KLHL32: variants seen among roughly 807,000 people sequenced by gnomAD.
KLHL32 encodes kelch-like protein 32.
Under a neutral mutation model 64.8 loss-of-function variants are expected in KLHL32, and 35 were observed. The ratio of observed to expected loss-of-function variants is 0.54; its 90% CI spans 0.41 to 0.72. The LOEUF (loss-of-function observed/expected upper bound fraction) is 0.72. KLHL32 is among the 30% of genes least tolerant of loss of function. KLHL32 has a pLI of 0.00. For synonymous variants in KLHL32, 259 were observed against 281.0 expected, an observed-to-expected ratio of 0.92 and a Z score of 0.78; for missense variants, 589 against 768.5, an observed-to-expected ratio of 0.77 and a Z score of 2.76.
intron 1 of KLHL32, among the ~76,000 whole-genome samples, chr6:96,938,308 A>G (rs906914223): frequency 1.3e-5 from 2 of 152,188 alleles, no homozygotes; most frequent in African/African-American, 4.8e-5. Flanking sequence ...GCTCACCAGC[A>G]TCAGGATCAG....
intron 1 of KLHL32, among the ~76,000 whole-genome samples, chr6:96,928,254 T>C (rs1015996711): frequency 6.6e-6 from 1 of 152,180 alleles, no homozygotes; most frequent in East Asian, 1.9e-4. Context: ...GGTATGATTA[T>C]ATTAAATGAA....
intron 7 of KLHL32, among the ~76,000 whole-genome samples, chr6:97,118,032 G>A (rs964754010): frequency 3.9e-5 from 6 of 152,066 alleles, no homozygotes; most frequent in Non-Finnish European, 5.9e-5. Context: ...AATTAATTTA[G>A]CAAACATACT....
intron 2 of KLHL32, among the ~76,000 whole-genome samples, chr6:96,967,459 A>ATG (rs1330580324): frequency 2.0e-5 from 3 of 151,584 alleles, no homozygotes; most frequent in African/African-American, 7.3e-5. Context: ...ATATAGAGAG[A>ATG]TGTGTATATA....
chr6:96,929,180 T>C (rs897531968), intron 1 of KLHL32, among the ~76,000 whole-genome samples: 1 of 152,192 alleles, frequency 6.6e-6, no homozygotes, highest in African/African-American at 2.4e-5. Context: ...GAAGGCGTCA[T>C]AGCTAGAGTC....
chr6:97,129,121 T>G (rs1225680588), intron 8 of KLHL32, among the ~76,000 whole-genome samples: 2 of 152,218 alleles, frequency 1.3e-5, no homozygotes, highest in Non-Finnish European at 2.9e-5. Flanking sequence ...TGCAAGCTTT[T>G]CAAGCTGTAC....
intron 7 of KLHL32, among the ~76,000 whole-genome samples, chr6:97,126,569 C>T (rs1220515254): frequency 6.6e-6 from 1 of 151,992 alleles, no homozygotes; most frequent in Non-Finnish European, 1.5e-5. Flanking sequence ...AAAGAGTACA[C>T]CACAATAGCA....
chr6:96,900,326 G>C, the KLHL32 span, among the ~76,000 whole-genome samples: 2 of 152,302 alleles, frequency 1.3e-5, no homozygotes, highest in Admixed American at 1.3e-4. Context: ...GGAGAAGGGA[G>C]CAGTTTTAAA....
chr6:96,976,035 C>G lies in KLHL32; in HGVS notation c.62C>G (p.Ser21Cys). Residue 21 changes from serine (S) to cysteine (C), a missense_variant, in exon 3 of 11, where the codon TCC becomes TGC. Physicochemically the swap from Ser to Cys is moderately radical, Grantham distance 112 (BLOSUM62 -1). Around this residue, in one of 3 missense-constraint regions of KLHL32, gnomAD observed 191 missense variants for 223.3 expected, o/e 0.86. Transcript: ENST00000369261. ...CTGACAGGCCAGAGGCTCTGCCACT[C>G]CGAATCTCACAATGACAGTGTCCTG... ...EMLTGQRLCH[S>C]ESHNDSVLAA... 6.3e-7 allele frequency: 1 copy of G among 1,594,880 alleles called. No homozygotes were observed. Among genetic ancestry groups the G allele is most frequent in the Non-Finnish European group, 8.6e-7 (1 of 1,166,000 alleles).
intron 3 of KLHL32, among the ~76,000 whole-genome samples, chr6:96,993,345 G>A (rs964513224): frequency 6.6e-6 from 1 of 152,174 alleles, no homozygotes; most frequent in Non-Finnish European, 1.5e-5. Context: ...GTGATTGGTA[G>A]GCTGTTGGTT....
chr6:97,111,034 G>A (rs192479229), intron 6 of KLHL32, among the ~76,000 whole-genome samples: 217 of 148,596 alleles, frequency 1.5e-3, no homozygotes, highest in Non-Finnish European at 1.5e-3. Context: ...AAGTCTTGGG[G>A]GGGGGGGGTC....
intron 1 of KLHL32, among the ~76,000 whole-genome samples, chr6:96,947,417 C>T (rs1208853042): frequency 6.6e-6 from 1 of 152,148 alleles, no homozygotes; most frequent in Admixed American, 6.5e-5. Flanking sequence ...TAAGACACAA[C>T]CACATGTTAG....
chr6:97,122,367 T>C (rs1041110608), intron 7 of KLHL32, among the ~76,000 whole-genome samples: 2 of 152,214 alleles, frequency 1.3e-5, no homozygotes. Context: ...TTATGTATGC[T>C]TCTATTCAAG....
At chr6:97,095,939 C>A (rs1794923582) in intron 6 of KLHL32, among the ~76,000 whole-genome samples, 1 of 152,052 alleles carries the variant, frequency 6.6e-6, no homozygotes, top group African/African-American at 2.4e-5. Context: ...GCTTGAAGTC[C>A]ATTTACATGT....
At chr6:96,970,790 A>G (rs1253441239) in intron 2 of KLHL32, among the ~76,000 whole-genome samples, 1 of 152,210 alleles carries the variant, frequency 6.6e-6, no homozygotes, top group African/African-American at 2.4e-5. Context: ...GACCATTGCT[A>G]TTAGTTGATC....
In KLHL32 at chr6:96,950,237, A is replaced by T. The variant is rs150150163; in HGVS notation, c.-65-16759A>T. On this transcript the variant is annotated intron_variant, in intron 1 of 10. Transcript: ENST00000369261. Reference sequence around the variant, plus strand: ...AAATTTCTACATTTGTGTTAAAAAAAAAAACCATTAGCTCTCTAAACAAGA... The same window carrying T: ...AAATTTCTACATTTGTGTTAAAAAATAAAACCATTAGCTCTCTAAACAAGA... 1.5e-3 allele frequency among the ~76,000 whole-genome samples: 224 copies of T among 152,136 alleles called. 2 individuals are homozygous for T. The East Asian group carries it at 0.033, about 22-fold the overall frequency.
intron 3 of KLHL32, among the ~76,000 whole-genome samples, chr6:96,995,750 T>A (rs1778343121): frequency 6.6e-6 from 1 of 152,226 alleles, no homozygotes; most frequent in Non-Finnish European, 1.5e-5. Context: ...ACAAATATGA[T>A]GTCTCTCATG....
At chr6:97,066,999 G>A (rs953725183) in intron 5 of KLHL32, among the ~76,000 whole-genome samples, 74 of 152,242 alleles carry the variant, frequency 4.9e-4, no homozygotes, top group African/African-American at 1.8e-3. Flanking sequence ...AGGAGTTTTT[G>A]AAACCGCTCT....
intron 4 of KLHL32, among the ~76,000 whole-genome samples, chr6:97,056,008 C>A (rs1253090466): frequency 2.0e-5 from 3 of 151,602 alleles, no homozygotes; most frequent in African/African-American, 7.3e-5. Context: ...TCTTGGCAGT[C>A]ACAAATATTG....
intron 1 of KLHL32, 66 bp from the exon 2 acceptor site, chr6:96,966,930 G>A: frequency 2.8e-6 from 2 of 718,416 alleles, no homozygotes; most frequent in Admixed American, 2.1e-5. Context: ...TTAGCATCAG[G>A]AAGACCCAGA....
Sources: allele counts gnomAD v4.1 joint callset (sites outside exome capture counted in the v4.1 genomes callset), GRCh38; gene constraint gnomAD v4.1.1; regional missense constraint gnomAD v4.1.1; transcripts MANE v1.5; gene names NCBI Gene and HGNC (gene_info 2026-07-23, HGNC 2026-07-21).